The following EFNB2 variants were observed in gnomAD, a reference collection of about 807,000 sequenced individuals.
The protein encoded by EFNB2 is ephrin B2.
EFNB2 carries 5 observed loss-of-function variants against 32.1 expected under a neutral mutation model. The observed-to-expected ratio is 0.16, with a 90% CI of 0.08 to 0.33. The LOEUF (loss-of-function observed/expected upper bound fraction) is 0.33. EFNB2 is among the 10% of genes least tolerant of loss of function. The pLI is 1.00. For missense variants in EFNB2, 263 were observed against 422.6 expected (o/e 0.62, Z 3.31); for synonymous variants, 168 against 166.5 (o/e 1.01, Z -0.07).
chr13:106,519,611 A>T (rs1050528448), intron 1 of EFNB2: 1 of 152,234 alleles, frequency 6.6e-6, no homozygotes, highest in African/African-American at 2.4e-5. Context: ...TTCAGTTGAA[A>T]ATATACACAT....
intron 1 of EFNB2, among the ~76,000 whole-genome samples, chr13:106,522,219 G>C (rs531271548): frequency 3.9e-5 from 6 of 152,310 alleles, no homozygotes; most frequent in Non-Finnish European, 5.9e-5. Flanking sequence ...CTGCTGGCTT[G>C]ATCACGCCAG....
At chr13:106,519,850 C>A (rs1253482814) in intron 1 of EFNB2, 4 of 152,102 alleles carry the variant, frequency 2.6e-5, no homozygotes, top group African/African-American at 9.7e-5. Context: ...TTTGTGCTAT[C>A]TTTCATAATT....
intron 1 of EFNB2, among the ~76,000 whole-genome samples, chr13:106,528,363 T>G (rs975355533): frequency 6.6e-6 from 1 of 152,098 alleles, no homozygotes; most frequent in African/African-American, 2.4e-5. Context: ...AGTTGAGAAT[T>G]TGGAACAAAA....
In EFNB2 at chr13:106,524,632, A is replaced by T. The variant is rs1271589574; in HGVS notation, c.122+10211T>A. Reference sequence around the variant, plus strand: ...AGTTTTCTAAATATCATGTAATATCAATGTAAAAAATGCAATACTGCCCAT... The same window carrying T: ...AGTTTTCTAAATATCATGTAATATCTATGTAAAAAATGCAATACTGCCCAT... On this transcript the variant is annotated intron_variant, in intron 1 of 4. Coordinates refer to ENST00000646441, the MANE Select transcript of EFNB2 (RefSeq NM_004093.4). Among the ~76,000 whole-genome samples the T allele has an allele frequency of 2.6e-5, 4 of 152,356 alleles. No homozygotes were observed. The East Asian group carries it at 7.7e-4, about 29-fold the overall frequency.
In EFNB2 at chr13:106,498,654, T is replaced by C. The variant is rs992160385; in HGVS notation, c.407-2814A>G. On this transcript the variant is annotated intron_variant, in intron 2 of 4. Coordinates refer to ENST00000646441, the MANE Select transcript of EFNB2 (RefSeq NM_004093.4). ...ACCTTTAAGAGTGAAAACTTTTTTA[T>C]TTCTTGGTTTAAAAAAAAAGTGTGT... Among the ~76,000 whole-genome samples, 4 of 152,174 alleles carry C rather than the reference T, an allele frequency of 2.6e-5. No individual in the cohort carries two copies. The East Asian group carries it at 7.7e-4, about 29-fold the overall frequency.
At chr13:106,522,456 C>T (rs1566462274) in intron 1 of EFNB2, among the ~76,000 whole-genome samples, 1 of 152,208 alleles carries the variant, frequency 6.6e-6, no homozygotes. Flanking sequence ...CTGGTTCTCT[C>T]TTGTTTTAGA....
chr13:106,520,133 T>C (rs955791173), intron 1 of EFNB2: 3 of 152,226 alleles, frequency 2.0e-5, no homozygotes, highest in African/African-American at 4.8e-5. Flanking sequence ...AGCCTAGCAG[T>C]TGCAAACCAA....
In EFNB2 at chr13:106,493,244, C is replaced by T. The variant is rs71640250; in HGVS notation, c.798G>A (p.Thr266=). 2.4e-5 allele frequency: 38 copies of T among 1,614,052 alleles called. No homozygotes were observed. The highest frequency in any genetic ancestry group is 1.8e-4 in the Admixed American group (11 of 60,000). The change falls in exon 5 of 5, where the codon ACG becomes ACA. Residue 266 remains threonine (T), a synonymous_variant. Coordinates refer to ENST00000646441, the MANE Select transcript of EFNB2 (RefSeq NM_004093.4). The surrounding 1 kb of genome is among the most constrained non-coding windows in gnomAD (Gnocchi z 6.1). ...HRKHSPQHTT[T]LSLSTLATPK... is the part of the protein sequence containing the mutation. Reference sequence around the variant, plus strand: ...GTGTGGCCAGTGTGCTGAGCGACAGCGTGGTCGTGTGCTGCGGCGAGTGCT... The same window carrying T: ...GTGTGGCCAGTGTGCTGAGCGACAGTGTGGTCGTGTGCTGCGGCGAGTGCT...
chr13:106,508,783 C>A (rs963815843), intron 2 of EFNB2, among the ~76,000 whole-genome samples: 4 of 152,188 alleles, frequency 2.6e-5, no homozygotes, highest in Non-Finnish European at 5.9e-5. Context: ...AAACAAATAA[C>A]CATCTATGAG....
chr13:106,524,169 A>C (rs1879625461), intron 1 of EFNB2, among the ~76,000 whole-genome samples: 1 of 152,252 alleles, frequency 6.6e-6, no homozygotes, highest in Non-Finnish European at 1.5e-5. Flanking sequence ...CAAAGGTTCC[A>C]TTTAAAACTA....
chr13:106,523,193 C>G (rs1879591444), intron 1 of EFNB2, among the ~76,000 whole-genome samples: 2 of 152,090 alleles, frequency 1.3e-5, no homozygotes, highest in Admixed American at 6.6e-5. Context: ...GGAAGAAAAA[C>G]AAAGCAGGCT....
chr13:106,534,661 G>C (rs1879998632), intron 1 of EFNB2, among the ~76,000 whole-genome samples, 182 bp downstream of exon 1: 1 of 151,880 alleles, frequency 6.6e-6, no homozygotes, highest in Non-Finnish European at 1.5e-5. Context: ...AGCGGGGCTC[G>C]GGTTGGAAAG....
At chr13:106,529,287 A>G (rs1458443789) in intron 1 of EFNB2, among the ~76,000 whole-genome samples, 2 of 152,218 alleles carry the variant, frequency 1.3e-5, no homozygotes, top group Non-Finnish European at 2.9e-5. Flanking sequence ...CTGAAGCCCA[A>G]ATAGATTAAG....
At chr13:106,507,663 C>A (rs935344048) in intron 2 of EFNB2, among the ~76,000 whole-genome samples, 2 of 152,062 alleles carry the variant, frequency 1.3e-5, no homozygotes, top group Non-Finnish European at 1.5e-5. Flanking sequence ...GACAACTGAA[C>A]CAATGAGGGC....
chr13:106,522,882 G>C (rs530297627), intron 1 of EFNB2, among the ~76,000 whole-genome samples: 1 of 152,180 alleles, frequency 6.6e-6, no homozygotes, highest in Admixed American at 6.5e-5. Flanking sequence ...GCATAAATAG[G>C]GTGCTCAATA....
chr13:106,496,289 G>C (rs1026495623), intron 2 of EFNB2, among the ~76,000 whole-genome samples: 1 of 152,156 alleles, frequency 6.6e-6, no homozygotes, highest in Non-Finnish European at 1.5e-5. Flanking sequence ...TTAGCTTGAC[G>C]CTCTGTTTGT....
At chr13:106,511,149 C>T (rs1029125461) in intron 2 of EFNB2, among the ~76,000 whole-genome samples, 1 of 152,198 alleles carries the variant, frequency 6.6e-6, no homozygotes, top group Admixed American at 6.5e-5. Context: ...CTTGGCCACC[C>T]CATCTACCTG....
Position 106,493,253 on chromosome 13 carries a change from G to A in EFNB2, c.789C>T (p.His263=), listed in dbSNP as rs374006513. 2 of 1,614,192 alleles carry A rather than the reference G, an allele frequency of 1.2e-6. No homozygotes were observed. The highest frequency in any genetic ancestry group is 1.3e-5 in the African/African-American group (1 of 75,052). ...GTGTGCTGAGCGACAGCGTGGTCGT[G>A]TGCTGCGGCGAGTGCTTCCTGTGTC... ...RRRHRKHSPQ[H]TTTLSLSTLA... The change falls in exon 5 of 5, where the codon CAC becomes CAT. Residue 263 remains histidine (H), a synonymous_variant. Coordinates refer to ENST00000646441, the MANE Select transcript of EFNB2 (RefSeq NM_004093.4). This position sits in a 1 kb window ranked among gnomAD's most constrained non-coding sequence, Gnocchi z 6.1.
rs1214191987 is a variant in EFNB2 at position 106,518,759 on chromosome 13, C to A, written c.123-5947G>T. Reference sequence around the variant, plus strand: ...CCCGAAATTGCACTCCCTGCTTCCCCTCCCACCCACGGCCACTCCATTTTC... The same window carrying A: ...CCCGAAATTGCACTCCCTGCTTCCCATCCCACCCACGGCCACTCCATTTTC... On this transcript the variant is annotated intron_variant, in intron 1 of 4. Coordinates refer to ENST00000646441, the MANE Select transcript of EFNB2 (RefSeq NM_004093.4). The surrounding 1 kb of genome is among the most constrained non-coding windows in gnomAD (Gnocchi z 4.1). 3 of 152,260 alleles carry A rather than the reference C, an allele frequency of 2.0e-5. No individual in the cohort carries two copies. Among genetic ancestry groups the A allele is most frequent in the African/African-American group, 7.2e-5 (3 of 41,420 alleles). 9.4% of individuals were successfully genotyped at this position (152,260 alleles called of 1,614,324 possible).
Sources: allele counts gnomAD v4.1 joint callset (sites outside exome capture counted in the v4.1 genomes callset), GRCh38; gene constraint gnomAD v4.1.1; non-coding constraint Gnocchi (gnomAD v3.1); transcripts MANE v1.5; gene names NCBI Gene and HGNC (gene_info 2026-07-23, HGNC 2026-07-21).